RBFOX1: variants seen among roughly 807,000 people sequenced by gnomAD.
RBFOX1 encodes RNA binding protein fox-1 homolog 1.
A neutral mutation model predicts 57.7 loss-of-function variants in RBFOX1; 8 were observed. That is an observed-to-expected ratio of 0.14 (90% confidence interval 0.08 to 0.25). The LOEUF is 0.25. Among genes scored for constraint, RBFOX1 ranks in the 10% least tolerant of loss-of-function variants. The pLI, the probability that RBFOX1 is intolerant of heterozygous loss-of-function variation, is 1.00. For missense variants in RBFOX1, 611 were observed against 548.5 expected, an observed-to-expected ratio of 1.11 and a Z score of -1.14; for synonymous variants, 326 against 222.4, an observed-to-expected ratio of 1.47 and a Z score of -4.15.
At chr16:5,837,144 C>T (rs1417952651) in intron 3 of RBFOX1, among the ~76,000 whole-genome samples, 1 of 152,052 alleles carries the variant, frequency 6.6e-6, no homozygotes, top group East Asian at 1.9e-4. Flanking sequence ...CGCTCAAATC[C>T]CCCTGGAATC....
At chr16:5,380,268 T>C (rs183885867) in intron 1 of RBFOX1, among the ~76,000 whole-genome samples, 1 of 152,300 alleles carries the variant, frequency 6.6e-6, no homozygotes, top group East Asian at 1.9e-4. Flanking sequence ...AGTAGGTAGA[T>C]GGTGGAAACT....
At position 7,335,607 on chromosome 16, in the gene RBFOX1, A is replaced by C. The variant is rs201729451; in HGVS notation, c.28-182540A>C. Among the ~76,000 whole-genome samples, 112 of 63,670 alleles carry C rather than the reference A, an allele frequency of 1.8e-3. 2 individuals are homozygous for C. The East Asian group carries it at 0.027, about 15-fold the overall frequency. The allele number at this position is 63,670 out of a possible 152,430, so 41.8% of individuals were successfully genotyped here. Reference sequence around the variant, plus strand: ...AAGAAAAAAAAAAAAAAAAAAAAAAAAACCAAGTGATTTACCAGTCATTTG... The same window carrying C: ...AAGAAAAAAAAAAAAAAAAAAAAAACAACCAAGTGATTTACCAGTCATTTG... On this transcript the variant is annotated intron_variant, in intron 4 of 15. Transcript: ENST00000550418.
chr16:7,482,811 A>G (rs1164832006), intron 4 of RBFOX1, among the ~76,000 whole-genome samples: 1 of 152,050 alleles, frequency 6.6e-6, no homozygotes, highest in Non-Finnish European at 1.5e-5. Context: ...TCCTCCCACA[A>G]GCTCGGGATG....
At chr16:7,490,781 A>G (rs778714332) in intron 4 of RBFOX1, among the ~76,000 whole-genome samples, 7 of 152,148 alleles carry the variant, frequency 4.6e-5, no homozygotes, top group Non-Finnish European at 1.0e-4. Flanking sequence ...AAGCTTTCCC[A>G]TGTCTCAAAA....
At chr16:6,881,559 C>G (rs1209136301) in intron 3 of RBFOX1, among the ~76,000 whole-genome samples, 1 of 152,208 alleles carries the variant, frequency 6.6e-6, no homozygotes, top group Non-Finnish European at 1.5e-5. Context: ...ATGCATACTC[C>G]TCTTCCTGTA....
intron 2 of RBFOX1, among the ~76,000 whole-genome samples, chr16:6,607,434 C>G (rs2097951648): frequency 6.9e-6 from 1 of 145,400 alleles, no homozygotes; most frequent in African/African-American, 2.7e-5. Flanking sequence ...CTCTCTCTCT[C>G]TCGCTCTCTA....
At chr16:7,180,711 G>C (rs1372604275) in intron 4 of RBFOX1, among the ~76,000 whole-genome samples, 1 of 52,094 alleles carries the variant, frequency 1.9e-5, no homozygotes, top group East Asian at 7.5e-4. Context: ...AAGTTATTAT[G>C]ATGAAAAAAA....
rs548162856 is a variant in RBFOX1, at chr16:6,866,396, C to G, written c.-15-185661C>G. On this transcript the variant is annotated intron_variant, in intron 3 of 15. Transcript: ENST00000550418. The stretch of plus-strand genomic sequence containing the variant: ...GGGTCTAATAAAGAAGAAAAAAAAT[C>G]AAACCTTATCCATCATCTCCATGAC... Among the ~76,000 whole-genome samples, 6 of 151,814 alleles carry G rather than the reference C, an allele frequency of 4.0e-5. No homozygotes were observed. The South Asian group carries it at 1.0e-3, about 26-fold the overall frequency.
chr16:6,735,780 G>C (rs766763743), intron 3 of RBFOX1, among the ~76,000 whole-genome samples: 1 of 152,182 alleles, frequency 6.6e-6, no homozygotes, highest in Non-Finnish European at 1.5e-5. Flanking sequence ...GTGGTGATCT[G>C]TGGTTCCTCT....
intron 4 of RBFOX1, among the ~76,000 whole-genome samples, chr16:7,375,299 T>C (rs2097664769): frequency 6.6e-6 from 1 of 152,218 alleles, no homozygotes; most frequent in Non-Finnish European, 1.5e-5. Flanking sequence ...CTATGCCATC[T>C]TATTAGTCTC....
intron 11 of RBFOX1, among the ~76,000 whole-genome samples, chr16:7,648,869 C>T (rs934157438): frequency 2.0e-5 from 3 of 152,144 alleles, no homozygotes; most frequent in African/African-American, 7.2e-5. Flanking sequence ...AAACTTGGTC[C>T]AAGCAGCCTC....
intron 4 of RBFOX1, among the ~76,000 whole-genome samples, chr16:7,351,129 C>G (rs1297406298): frequency 6.6e-6 from 1 of 152,184 alleles, no homozygotes; most frequent in African/African-American, 2.4e-5. Flanking sequence ...GGATCTCTCA[C>G]TTTTGCAAGT....
At chr16:6,123,844 G>T (rs548440193) in intron 1 of RBFOX1, among the ~76,000 whole-genome samples, 47 of 152,286 alleles carry the variant, frequency 3.1e-4, no homozygotes, top group African/African-American at 9.4e-4. Flanking sequence ...AGTGGAGGTT[G>T]CAGTGAGCTG....
chr16:6,654,795 A>C, intron 3 of RBFOX1, 145 bp downstream of exon 3: 1 of 571,758 alleles, frequency 1.7e-6, no homozygotes, highest in Non-Finnish European at 2.9e-6. Context: ...TCAGACTTAA[A>C]AATGCTTGTC....
chr16:6,173,863 G>C (rs902731857), intron 1 of RBFOX1, among the ~76,000 whole-genome samples: 1 of 151,908 alleles, frequency 6.6e-6, no homozygotes, highest in African/African-American at 2.4e-5. Context: ...GCCTGCCTTG[G>C]CCTCCCAAAG....
intron 4 of RBFOX1, among the ~76,000 whole-genome samples, chr16:5,998,094 C>T (rs1477053384): frequency 6.6e-6 from 1 of 152,122 alleles, no homozygotes; most frequent in African/African-American, 2.4e-5. Context: ...CTGTATAAAC[C>T]TACCAAGTCC....
At chr16:6,140,906 C>G (rs768819109) in intron 1 of RBFOX1, among the ~76,000 whole-genome samples, 1 of 152,212 alleles carries the variant, frequency 6.6e-6, no homozygotes, top group South Asian at 2.1e-4. Flanking sequence ...ATAACCATCT[C>G]ACAGGTGACC....
At position 6,518,811 on chromosome 16, in the gene RBFOX1, C is replaced by G. The variant is rs1239620507; in HGVS notation, c.-63-135792C>G. On this transcript the variant is annotated intron_variant, in intron 2 of 15. Coordinates refer to ENST00000550418, the MANE Select transcript of RBFOX1 (RefSeq NM_018723.4). ...TCTGTGTGTCTGTCTATCTATCTATCTATCTATCTATCTATCTATCTATCT... is the reference window on the plus strand; with the variant it reads ...TCTGTGTGTCTGTCTATCTATCTATGTATCTATCTATCTATCTATCTATCT... Among the ~76,000 whole-genome samples, 3 of 106,438 alleles carry G rather than the reference C, an allele frequency of 2.8e-5. No homozygotes were observed. In the Admixed American group the frequency reaches 3.1e-4, roughly 11 times the overall value. 69.8% of individuals were successfully genotyped at this position (106,438 alleles called of 152,430 possible).
chr16:7,708,032 A>C (rs2148528095), intron 14 of RBFOX1, among the ~76,000 whole-genome samples: 1 of 152,258 alleles, frequency 6.6e-6, no homozygotes, highest in Middle Eastern at 3.4e-3. Flanking sequence ...CCAAGCACGC[A>C]AGTTGCCCTA....
Sources: allele counts gnomAD v4.1 joint callset (sites outside exome capture counted in the v4.1 genomes callset), GRCh38; gene constraint gnomAD v4.1.1; transcripts MANE v1.5; gene names NCBI Gene and HGNC (gene_info 2026-07-23, HGNC 2026-07-21).